Variants in ANGEL2 observed in about 807,000 individuals in gnomAD.
The protein encoded by ANGEL2 is RNA 2',3'-cyclic phosphatase ANGEL2.
Under a neutral mutation model 66.0 loss-of-function variants are expected in ANGEL2, and 41 were observed. The observed-to-expected ratio is 0.62, with a 90% CI of 0.48 to 0.81. The LOEUF is 0.81. Among genes scored for constraint, ANGEL2 ranks in the 30% least tolerant of loss-of-function variants. The pLI is 0.00. For missense variants in ANGEL2, 561 were observed against 641.6 expected (o/e 0.87, Z 1.36); for synonymous variants, 208 against 226.5 (o/e 0.92, Z 0.73).
intron 5 of ANGEL2, among the ~76,000 whole-genome samples, chr1:213,003,073 C>A (rs1488163478): frequency 6.6e-6 from 1 of 152,102 alleles, no homozygotes; most frequent in African/African-American, 2.4e-5. Context: ...TTCTTTAAAC[C>A]TCATAAATTA....
Position 212,994,679 on chromosome 1 carries a change from T to TA in ANGEL2, c.*361dup, listed in dbSNP as rs1157410683. 1 of 154,792 alleles carries TA rather than the reference T, an allele frequency of 6.5e-6. No individual in the cohort carries two copies. Among genetic ancestry groups the TA allele is most frequent in the Non-Finnish European group, 1.4e-5 (1 of 69,926 alleles). The allele number at this position is 154,792 out of a possible 1,614,324, so 9.6% of individuals were successfully genotyped here. On this transcript the variant is annotated 3_prime_UTR_variant, in exon 9 of 9. Transcript: ENST00000366962. Reference sequence around the variant, plus strand: ...CTTGTAGTTTGCAAGAACTCAAAGATACTTTGGATCCACTACAGAGCTTGC... The same window carrying TA: ...CTTGTAGTTTGCAAGAACTCAAAGATAACTTTGGATCCACTACAGAGCTTGC...
chr1:213,000,345 CCT>C lies in ANGEL2; in HGVS notation c.1298_1299del (p.Glu433GlyfsTer6), dbSNP rs1449794438. On this transcript the variant is annotated frameshift_variant, in exon 7 of 9. Coordinates refer to ENST00000366962, the MANE Select transcript of ANGEL2 (RefSeq NM_144567.5). LOFTEE classifies it high-confidence loss of function. ...ACTCACTTTTCAGCTGTCACTAGGA[CCT>C]CTGTTTGCTTCAGCTGTGTTTGTGT... ...DLTQTQLKQT[E>X]VLVTAEKLSS... 6.2e-7 allele frequency: 1 copy of C among 1,613,756 alleles called. No individual in the cohort carries two copies. The highest frequency in any genetic ancestry group is 8.5e-7 in the Non-Finnish European group (1 of 1,179,788).
rs2076398939 is a variant in ANGEL2 at position 213,008,283 on chromosome 1, C to T, written c.569G>A (p.Cys190Tyr). Residue 190 changes from cysteine to tyrosine, a missense_variant, in exon 3 of 9, where the codon TGC becomes TAC. Physicochemically the swap from Cys to Tyr is radical, Grantham distance 194. Coordinates refer to ENST00000366962, the MANE Select transcript of ANGEL2 (RefSeq NM_144567.5). ...ACTCCAGTGTAATACTGGCCGCCGG[C>T]AATGTCTATAAAGGTGAGAGTTATC... ...LEDNSHLYRH[C>Y]RRPVLHWSFR... The T allele has an allele frequency of 6.2e-7, 1 of 1,613,990 alleles. No homozygotes were observed. The highest frequency in any genetic ancestry group is 1.3e-5 in the African/African-American group (1 of 74,930).
intron 2 of ANGEL2, among the ~76,000 whole-genome samples, chr1:213,010,413 A>T (rs1486627873): frequency 6.6e-6 from 1 of 152,098 alleles, no homozygotes; most frequent in African/African-American, 2.4e-5. Flanking sequence ...CTACTAAAAA[A>T]TACAAAAATT....
At chr1:213,015,180 T>G in intron 1 of ANGEL2, 1 of 1,021,096 alleles carries the variant, frequency 9.8e-7, no homozygotes, top group Non-Finnish European at 1.2e-6. Context: ...CTCCTGGGCG[T>G]GTGCCACACA....
In ANGEL2 at chr1:213,008,429, A is replaced by G. The variant is rs771689686; in HGVS notation, c.423T>C (p.His141=). ...CTAGGATCTTCGTTTTTTCTTTATC[A>G]TGGCTACATATATATTCCCAATTCC... The part of the protein sequence containing the change: ...IKRNWEYICS[H]DKEKTKILGD... The change falls in exon 3 of 9, where the codon CAT becomes CAC. Residue 141 remains histidine (H), a synonymous_variant. Coordinates refer to ENST00000366962, the MANE Select transcript of ANGEL2 (RefSeq NM_144567.5). 2.5e-6 allele frequency: 4 copies of G among 1,613,954 alleles called. No homozygotes were observed. The South Asian group carries it at 3.3e-5, about 13-fold the overall frequency.
At chr1:213,013,440 C>A in intron 1 of ANGEL2, 22 bp from the exon 2 acceptor site, 1 of 1,572,552 alleles carries the variant, frequency 6.4e-7, no homozygotes, top group Non-Finnish European at 8.7e-7. Flanking sequence ...AAATACACTC[C>A]TTGAGGCACC....
rs150316187 is a variant in ANGEL2 at position 213,006,260 on chromosome 1, G to C, written c.713-806C>G. 4.3e-3 allele frequency among the ~76,000 whole-genome samples: 654 copies of C among 152,132 alleles called. 3 individuals are homozygous for C. Among genetic ancestry groups the C allele is most frequent in the African/African-American group, 0.014 (589 of 41,502 alleles). The stretch of plus-strand genomic sequence containing the variant: ...GCGGATCACGAGGTCAGGAGATCAA[G>C]GCCATCCTGGCTAATACGGTGAAAC... On this transcript the variant is annotated intron_variant, in intron 4 of 8. Coordinates refer to ENST00000366962, the MANE Select transcript of ANGEL2 (RefSeq NM_144567.5).
chr1:213,015,434 T>C (rs1013046510), intron 1 of ANGEL2, 179 bp downstream of exon 1: 1 of 1,413,516 alleles, frequency 7.1e-7, no homozygotes, highest in Middle Eastern at 2.6e-4. Flanking sequence ...GCGCGGCGGG[T>C]TTACCTATCC....
intron 1 of ANGEL2, among the ~76,000 whole-genome samples, 188 bp from the exon 2 acceptor site, chr1:213,013,606 T>TA (rs2076564503): frequency 6.6e-6 from 1 of 152,158 alleles, no homozygotes. Context: ...ACTCTCGTCC[T>TA]AAAAAACCAT....
intron 2 of ANGEL2, among the ~76,000 whole-genome samples, chr1:213,010,139 T>G (rs528401479): frequency 8.6e-5 from 13 of 151,846 alleles, no homozygotes; most frequent in African/African-American, 3.1e-4. Flanking sequence ...GAGCCTATCC[T>G]ATGCCCAGGA....
chr1:212,995,675 C>T (rs1399464147), intron 8 of ANGEL2, among the ~76,000 whole-genome samples: 2 of 152,184 alleles, frequency 1.3e-5, no homozygotes, highest in Admixed American at 1.3e-4. Flanking sequence ...CTCCTGCCAC[C>T]AAGTGAACTT....
At chr1:213,000,433 A>T (rs1572117645) in intron 6 of ANGEL2, 50 bp from the exon 7 acceptor site, 2 of 1,478,048 alleles carry the variant, frequency 1.4e-6, no homozygotes, top group East Asian at 2.3e-5. Context: ...AGTTTGCCTT[A>T]ATATCGTCAT....
At position 212,994,906 on chromosome 1, in the gene ANGEL2, G is replaced by T; in HGVS notation, c.*135C>A. ...ATAAAGTTATTTCTTCTGATATGGA[G>T]TTTCAAAGCATCTAACATAACCGCT... On this transcript the variant is annotated 3_prime_UTR_variant, in exon 9 of 9. Coordinates refer to ENST00000366962, the MANE Select transcript of ANGEL2 (RefSeq NM_144567.5). 1.4e-6 allele frequency: 1 copy of T among 713,264 alleles called. No homozygotes were observed. The highest frequency in any genetic ancestry group is 2.0e-6 in the Non-Finnish European group (1 of 501,774). The allele number at this position is 713,264 out of a possible 1,614,324, so 44.2% of individuals were successfully genotyped here.
Position 212,995,159 on chromosome 1 carries a change from A to G in ANGEL2, c.1517T>C (p.Leu506Pro), listed in dbSNP as rs2075961134. The G allele has an allele frequency of 1.9e-6, 3 of 1,609,622 alleles. No individual in the cohort carries two copies. The highest frequency in any genetic ancestry group is 1.3e-5 in the African/African-American group (1 of 74,800). Residue 506 changes from leucine to proline, a missense_variant, in exon 9 of 9, where the codon CTT (leucine) becomes CCT (proline). By Grantham distance (98) the Leu-to-Pro change is moderately conservative (BLOSUM62 -3). Transcript: ENST00000366962. ...AEVALVGGLKLLARLSLLTEQ... is the reference protein window; with the variant it reads ...AEVALVGGLKPLARLSLLTEQ... Reference sequence around the variant, plus strand: ...TGTAAGAAGTGACAGTCTAGCTAGAAGTTTCAAGCCACCAACCAAAGCAAC... The same window carrying G: ...TGTAAGAAGTGACAGTCTAGCTAGAGGTTTCAAGCCACCAACCAAAGCAAC...
At chr1:212,996,285 C>T (rs3010782) in intron 8 of ANGEL2, among the ~76,000 whole-genome samples, 149,739 of 152,172 alleles carry the variant, frequency 0.98, 73,717 homozygotes, top group South Asian at 1. Context: ...CCAGCCTGGG[C>T]GACGAGCGAG....
Position 212,994,924 on chromosome 1 carries a change from T to C in ANGEL2, c.*117A>G. 1.1e-6 allele frequency: 1 copy of C among 936,162 alleles called. No individual in the cohort carries two copies. The highest frequency in any genetic ancestry group is 4.0e-5 in the South Asian group (1 of 24,950). The allele number at this position is 936,162 out of a possible 1,614,324, so 58.0% of individuals were successfully genotyped here. A position where few individuals can be genotyped will look rare whatever the true frequency, so the allele number is the denominator to read the frequency against. The stretch of plus-strand genomic sequence containing the variant: ...ATATGGAGTTTCAAAGCATCTAACA[T>C]AACCGCTTCAGAATCTCCACAGTGC... On this transcript the variant is annotated 3_prime_UTR_variant, in exon 9 of 9. Coordinates refer to ENST00000366962, the MANE Select transcript of ANGEL2 (RefSeq NM_144567.5).
chr1:213,008,415 G>A lies in ANGEL2; in HGVS notation c.437C>T (p.Thr146Met), dbSNP rs190621865. 1.5e-5 allele frequency: 24 copies of A among 1,613,936 alleles called. No homozygotes were observed. The highest frequency in any genetic ancestry group is 1.3e-4 in the Admixed American group (8 of 60,002). Residue 146 changes from threonine (T) to methionine (M), a missense_variant, in exon 3 of 9, where the codon ACG (threonine) becomes ATG (methionine). Physicochemically the swap from Thr to Met is moderately conservative, Grantham distance 81. Coordinates refer to ENST00000366962, the MANE Select transcript of ANGEL2 (RefSeq NM_144567.5). ...AACATTTTTGTCTCCTAGGATCTTC[G>A]TTTTTTCTTTATCATGGCTACATAT... ...EYICSHDKEK[T>M]KILGDKNVDP...
rs1465722945 is a variant in ANGEL2 at position 212,994,989 on chromosome 1, C to A, written c.*52G>T. ...TGCATACACTTAAGAACTTTACATT[C>A]TTTGAAAAACAATACAAATTGGAAA... On this transcript the variant is annotated 3_prime_UTR_variant, in exon 9 of 9. Coordinates refer to ENST00000366962, the MANE Select transcript of ANGEL2 (RefSeq NM_144567.5). The A allele has an allele frequency of 6.5e-7, 1 of 1,528,080 alleles. No individual in the cohort carries two copies. 94.7% of individuals were successfully genotyped at this position (1,528,080 alleles called of 1,614,324 possible). A position where few individuals can be genotyped will look rare whatever the true frequency, so the allele number is the denominator to read the frequency against.
Sources: gnomAD v4.1 joint callset for allele counts (sites outside exome capture counted in the v4.1 genomes callset) on GRCh38, gnomAD v4.1.1 for gene constraint, MANE v1.5 for transcripts, NCBI Gene and HGNC (gene_info 2026-07-23, HGNC 2026-07-21) for gene names.